TMEM232: variants seen among roughly 807,000 people sequenced by gnomAD.
TMEM232 encodes the protein transmembrane protein 232.
A neutral mutation model predicts 78.8 loss-of-function variants in TMEM232; 80 were observed. The ratio of observed to expected loss-of-function variants is 1.01; its 90% CI spans 0.85 to 1.22. TMEM232 has a LOEUF of 1.22. Ranked by LOEUF, TMEM232 falls within the 50% of genes most tolerant of loss-of-function variation. The probability of loss-of-function intolerance (pLI) is 0.00; values close to 1 mark genes in which losing one functional copy is unlikely to be tolerated. For synonymous variants in TMEM232, 297 were observed against 254.3 expected (o/e 1.17, Z -1.60); for missense variants, 881 against 742.2 (o/e 1.19, Z -2.17).
chr5:110,620,739 G>C (rs1783622345), intron 7 of TMEM232, among the ~76,000 whole-genome samples: 1 of 150,424 alleles, frequency 6.6e-6, no homozygotes, highest in Non-Finnish European at 1.5e-5. Flanking sequence ...TGTGCTCCTA[G>C]TGGCCTTTGG....
At chr5:110,530,242 A>G (rs746959022) in intron 11 of TMEM232, among the ~76,000 whole-genome samples, 1 of 152,232 alleles carries the variant, frequency 6.6e-6, no homozygotes, top group Non-Finnish European at 1.5e-5. Flanking sequence ...AAAAATAGCA[A>G]AAGGCAGGTA....
intron 12 of TMEM232, among the ~76,000 whole-genome samples, chr5:110,455,967 A>G (rs1760852682): frequency 1.3e-5 from 2 of 152,248 alleles, no homozygotes; most frequent in South Asian, 4.1e-4. Flanking sequence ...GATAAAAGGG[A>G]TCTATGAAAA....
At chr5:110,669,345 T>G (rs1029942726) in intron 1 of TMEM232, among the ~76,000 whole-genome samples, 1 of 152,134 alleles carries the variant, frequency 6.6e-6, no homozygotes, top group Admixed American at 6.6e-5. Flanking sequence ...GAGAATACTA[T>G]AAACACCTCT....
At chr5:110,483,876 A>G (rs998802155) in intron 12 of TMEM232, among the ~76,000 whole-genome samples, 4 of 152,294 alleles carry the variant, frequency 2.6e-5, no homozygotes, top group Admixed American at 2.0e-4. Flanking sequence ...TCATTATAGC[A>G]CTATTCACAA....
At chr5:110,648,662 A>C (rs1787859908) in intron 2 of TMEM232, among the ~76,000 whole-genome samples, 1 of 152,062 alleles carries the variant, frequency 6.6e-6, no homozygotes, top group Non-Finnish European at 1.5e-5. Context: ...TACTGGGACC[A>C]CCGCTTATGG....
chr5:110,390,899 G>A (rs1431684824), intron 3 of TMEM232, among the ~76,000 whole-genome samples: 1 of 152,184 alleles, frequency 6.6e-6, no homozygotes, highest in Non-Finnish European at 1.5e-5. Context: ...TCTATCATTT[G>A]CATGTTAACA....
intron 10 of TMEM232, among the ~76,000 whole-genome samples, chr5:110,586,710 G>C (rs1778858293): frequency 6.6e-6 from 1 of 151,954 alleles, no homozygotes; most frequent in Admixed American, 6.6e-5. Context: ...CTGAAAGATG[G>C]AGCACAGTAA....
intron 1 of TMEM232, among the ~76,000 whole-genome samples, chr5:110,735,492 T>C (rs1799064852): frequency 6.6e-6 from 1 of 152,214 alleles, no homozygotes; most frequent in Non-Finnish European, 1.5e-5. Flanking sequence ...ATTATTAGTT[T>C]TGGTGCCTAA....
At chr5:110,676,918 C>T (rs191209343) in intron 1 of TMEM232, among the ~76,000 whole-genome samples, 2 of 152,096 alleles carry the variant, frequency 1.3e-5, no homozygotes, top group African/African-American at 4.8e-5. Flanking sequence ...GCCACCATGC[C>T]GGGCCAATAT....
intron 4 of TMEM232, among the ~76,000 whole-genome samples, chr5:110,640,690 A>C (rs948132159): frequency 2.6e-5 from 4 of 152,176 alleles, no homozygotes; most frequent in Non-Finnish European, 5.9e-5. Context: ...AAGTTTTTAA[A>C]ATAGTTTTAT....
chr5:110,391,080 G>T (rs1055359980), intron 3 of TMEM232, among the ~76,000 whole-genome samples: 39 of 152,300 alleles, frequency 2.6e-4, no homozygotes, highest in African/African-American at 9.4e-4. Context: ...TCGTATATGT[G>T]TAGCACTAGC....
At chr5:110,413,003 G>C (rs1193325035) in intron 2 of TMEM232, among the ~76,000 whole-genome samples, 2 of 152,158 alleles carry the variant, frequency 1.3e-5, no homozygotes, top group Middle Eastern at 3.2e-3. Flanking sequence ...ATCCATGTGT[G>C]ATATTTAATA....
At chr5:110,439,309 T>A (rs1350371982) in intron 12 of TMEM232, among the ~76,000 whole-genome samples, 3 of 152,184 alleles carry the variant, frequency 2.0e-5, no homozygotes, top group African/African-American at 7.2e-5. Flanking sequence ...TGCCATTACC[T>A]ACTCCCACAT....
At chr5:110,413,644 T>C (rs1756079768) in intron 2 of TMEM232, among the ~76,000 whole-genome samples, 2 of 152,198 alleles carry the variant, frequency 1.3e-5, no homozygotes, top group Non-Finnish European at 2.9e-5. Flanking sequence ...CAGGATTCTT[T>C]GCCTTTCTTT....
chr5:110,615,909 T>TA (rs1053669576), intron 8 of TMEM232, among the ~76,000 whole-genome samples: 7 of 150,922 alleles, frequency 4.6e-5, no homozygotes, highest in East Asian at 1.9e-4. Flanking sequence ...TAGCAAAAAA[T>TA]AAAAAAAATA....
intron 10 of TMEM232, among the ~76,000 whole-genome samples, chr5:110,604,387 AAGAT>A (rs1281991907): frequency 6.6e-6 from 1 of 152,164 alleles, no homozygotes; most frequent in Non-Finnish European, 1.5e-5. Context: ...GATGGACTAT[AAGAT>A]GTCAGGTGTG....
At position 110,424,896 on chromosome 5, in the gene TMEM232, T is replaced by C; in HGVS notation, c.1724A>G (p.Glu575Gly). 6.5e-7 allele frequency: 1 copy of C among 1,550,238 alleles called. No individual in the cohort carries two copies. The highest frequency in any genetic ancestry group is 8.7e-7 in the Non-Finnish European group (1 of 1,146,106). ...FTVREHPSVS[E>G]IPMFPYPDFF... Reference sequence around the variant, plus strand: ...ATCTGGATATGGAAACATGGGAATTTCTGATACAGAAGGATGTTCCCTTCA... The same window carrying C: ...ATCTGGATATGGAAACATGGGAATTCCTGATACAGAAGGATGTTCCCTTCA... The change falls in exon 13 of 14, where the codon GAA becomes GGA. Residue 575 changes from glutamate to glycine, a missense_variant. Physicochemically the swap from Glu to Gly is moderately conservative, Grantham distance 98 (BLOSUM62 -2). Coordinates refer to ENST00000455884, the MANE Select transcript of TMEM232 (RefSeq NM_001039763.4).
At chr5:110,401,002 T>A (rs73217178) in intron 2 of TMEM232, among the ~76,000 whole-genome samples, 4,836 of 152,102 alleles carry the variant, frequency 0.032, 259 homozygotes, top group African/African-American at 0.11. Context: ...AAGCAATGTA[T>A]ATCAAAACAA....
intron 2 of TMEM232, among the ~76,000 whole-genome samples, chr5:110,662,363 T>C (rs570348487): frequency 1.3e-5 from 2 of 152,200 alleles, no homozygotes; most frequent in Non-Finnish European, 2.9e-5. Context: ...ATTTCATAAA[T>C]AACTAAATAA....
Sources: allele counts gnomAD v4.1 joint callset (sites outside exome capture counted in the v4.1 genomes callset), GRCh38; gene constraint gnomAD v4.1.1; transcripts MANE v1.5; gene names NCBI Gene and HGNC (gene_info 2026-07-23, HGNC 2026-07-21).